The following ATRNL1 variants were observed in gnomAD, a reference collection of about 807,000 sequenced individuals.
The protein encoded by ATRNL1 is attractin like 1, also known as attractin-like protein 1.
In ATRNL1, 95 loss-of-function variants were observed where a neutral mutation model predicts 182.7. The ratio of observed to expected loss-of-function variants is 0.52; its 90% CI spans 0.44 to 0.62. The LOEUF (loss-of-function observed/expected upper bound fraction) is 0.62. Among genes scored for constraint, ATRNL1 ranks in the 20% least tolerant of loss-of-function variants. ATRNL1 has a pLI of 0.00. For missense variants in ATRNL1, 1,471 were observed against 1,679.5 expected, an observed-to-expected ratio of 0.88 and a Z score of 2.17; for synonymous variants, 576 against 568.3, an observed-to-expected ratio of 1.01 and a Z score of -0.19.
At chr10:115,824,177 A>C (rs1950371302) in intron 27 of ATRNL1, among the ~76,000 whole-genome samples, 1 of 152,222 alleles carries the variant, frequency 6.6e-6, no homozygotes, top group Non-Finnish European at 1.5e-5. Flanking sequence ...AGCAATGGGG[A>C]AAGGATTCCC....
intron 26 of ATRNL1, among the ~76,000 whole-genome samples, chr10:115,639,763 GAA>G (rs2133853489): frequency 6.6e-6 from 1 of 151,928 alleles, no homozygotes; most frequent in African/African-American, 2.4e-5. Flanking sequence ...GAAGGCAAAA[GAA>G]GAGAGAGGGA....
intron 9 of ATRNL1, chr10:115,220,276 AC>A (rs1554897147): frequency 6.6e-5 from 10 of 152,176 alleles, no homozygotes; most frequent in Non-Finnish European, 7.3e-5. Flanking sequence ...CTTAGTACAG[AC>A]CCATTTGATG....
chr10:115,354,316 T>C (rs1554942262), intron 19 of ATRNL1, among the ~76,000 whole-genome samples: 1 of 152,184 alleles, frequency 6.6e-6, no homozygotes, highest in African/African-American at 2.4e-5. Context: ...CAGCCTTTAC[T>C]TTCAGATTGA....
intron 16 of ATRNL1, among the ~76,000 whole-genome samples, chr10:115,301,443 AT>A (rs1256986236): frequency 6.6e-6 from 1 of 152,124 alleles, no homozygotes; most frequent in African/African-American, 2.4e-5. Flanking sequence ...GATAAGCTGT[AT>A]TTTTATTCTT....
At position 115,302,001 on chromosome 10, in the gene ATRNL1, C is replaced by G; in HGVS notation, c.2776C>G (p.Pro926Ala). ...CTCTAATGCCTATATCATCTCTTTTCCATATGGACAATGTCTAGAGTGGCA... is the reference window on the plus strand; with the variant it reads ...CTCTAATGCCTATATCATCTCTTTTGCATATGGACAATGTCTAGAGTGGCA... The part of the protein sequence containing the change: ...VDSNAYIISF[P>A]YGQCLEWQTA... The change falls in exon 17 of 29, where the codon CCA becomes GCA. Residue 926 changes from proline to alanine, a missense_variant. This residue lies in a region of ATRNL1 where 1,031 missense variants were observed against 1,156.0 expected (regional missense o/e 0.89). Transcript: ENST00000355044. The G allele has an allele frequency of 6.2e-7, 1 of 1,613,908 alleles. No homozygotes were observed. The highest frequency in any genetic ancestry group is 8.5e-7 in the Non-Finnish European group (1 of 1,179,890).
intron 27 of ATRNL1, among the ~76,000 whole-genome samples, chr10:115,832,732 C>T (rs1555094142): frequency 1.3e-5 from 2 of 152,198 alleles, no homozygotes; most frequent in South Asian, 2.1e-4. Flanking sequence ...AAACCCACAA[C>T]TGATTTATCC....
intron 27 of ATRNL1, among the ~76,000 whole-genome samples, chr10:115,764,943 G>A (rs1282625373): frequency 1.3e-5 from 2 of 152,012 alleles, no homozygotes; most frequent in Non-Finnish European, 2.9e-5. Flanking sequence ...CAAATCGCTG[G>A]GATTATAGGC....
intron 28 of ATRNL1, among the ~76,000 whole-genome samples, chr10:115,925,940 C>G (rs1953217710): frequency 6.6e-6 from 1 of 152,176 alleles, no homozygotes. Flanking sequence ...ACTCTCCACC[C>G]CAAATCAACA....
intron 26 of ATRNL1, among the ~76,000 whole-genome samples, chr10:115,599,066 A>C (rs1856441570): frequency 6.6e-6 from 1 of 152,180 alleles, no homozygotes; most frequent in African/African-American, 2.4e-5. Context: ...AGGTCTTCTG[A>C]ATATTGACCC....
intron 28 of ATRNL1, among the ~76,000 whole-genome samples, chr10:115,881,846 A>G (rs1951833207): frequency 1.3e-5 from 2 of 152,128 alleles, no homozygotes; most frequent in Non-Finnish European, 2.9e-5. Context: ...GTGCTCATCA[A>G]TCTGCTCCAG....
At chr10:115,257,335 A>G (rs1227082015) in intron 10 of ATRNL1, among the ~76,000 whole-genome samples, 2 of 152,166 alleles carry the variant, frequency 1.3e-5, no homozygotes, top group Admixed American at 6.5e-5. Flanking sequence ...ATATATATTT[A>G]TCATAGTTAG....
intron 19 of ATRNL1, among the ~76,000 whole-genome samples, chr10:115,342,959 G>A (rs1413986839): frequency 6.6e-6 from 1 of 152,062 alleles, no homozygotes; most frequent in Admixed American, 6.6e-5. Context: ...CGGCCCATAA[G>A]GTTTCCACTG....
intron 8 of ATRNL1, among the ~76,000 whole-genome samples, chr10:115,177,737 A>G (rs571448950): frequency 6.6e-6 from 1 of 151,746 alleles, no homozygotes; most frequent in East Asian, 2.0e-4. Context: ...GACGTCCCAA[A>G]GTTCTGGGAT....
intron 21 of ATRNL1, among the ~76,000 whole-genome samples, chr10:115,446,542 T>C (rs1275804467): frequency 2.0e-5 from 3 of 152,036 alleles, no homozygotes; most frequent in African/African-American, 7.2e-5. Context: ...TTTATATTAA[T>C]TGTATCTACT....
At chr10:115,758,743 CA>C (rs1377623553) in intron 27 of ATRNL1, among the ~76,000 whole-genome samples, 1 of 152,234 alleles carries the variant, frequency 6.6e-6, no homozygotes, top group Admixed American at 6.5e-5. Flanking sequence ...CCCCTTCCCC[CA>C]GGTGCTTTGT....
intron 8 of ATRNL1, among the ~76,000 whole-genome samples, chr10:115,179,149 C>T (rs919907447): frequency 6.6e-6 from 1 of 152,060 alleles, no homozygotes; most frequent in African/African-American, 2.4e-5. Context: ...GTGTACTATA[C>T]GTAATTATTA....
At chr10:115,137,167 G>A (rs1554876878) in intron 5 of ATRNL1, among the ~76,000 whole-genome samples, 1 of 152,092 alleles carries the variant, frequency 6.6e-6, no homozygotes, top group Non-Finnish European at 1.5e-5. Flanking sequence ...ACTCCAGCCT[G>A]GGCAACAAGA....
intron 18 of ATRNL1, among the ~76,000 whole-genome samples, chr10:115,329,347 A>G (rs1181619837): frequency 2.0e-5 from 3 of 152,140 alleles, no homozygotes; most frequent in East Asian, 3.8e-4. Flanking sequence ...TTTGAGAAGA[A>G]TGTGAATTCT....
At chr10:115,873,699 T>G (rs1387221584) in intron 28 of ATRNL1, among the ~76,000 whole-genome samples, 2 of 152,196 alleles carry the variant, frequency 1.3e-5, no homozygotes, top group Admixed American at 6.5e-5. Flanking sequence ...ATTGACTATT[T>G]AGGTTAGCAT....
Sources: gnomAD v4.1 joint callset for allele counts (sites outside exome capture counted in the v4.1 genomes callset) on GRCh38, gnomAD v4.1.1 for gene constraint, gnomAD v4.1.1 regional missense constraint, MANE v1.5 for transcripts, NCBI Gene and HGNC (gene_info 2026-07-23, HGNC 2026-07-21) for gene names.